NME6: variants seen among roughly 807,000 people sequenced by gnomAD.
NME6 encodes the protein NME/NM23 nucleoside diphosphate kinase 6.
In NME6, 16 loss-of-function variants were observed where a neutral mutation model predicts 22.2. That is an observed-to-expected ratio of 0.72 (90% CI 0.49 to 1.09). NME6 has a LOEUF of 1.09. Ranked by LOEUF, NME6 falls within the 50% of genes least tolerant of loss-of-function variation. NME6 has a pLI of 0.00. For synonymous variants in NME6, 58 were observed against 85.2 expected, an observed-to-expected ratio of 0.68 and a Z score of 1.76; for missense variants, 229 against 239.0, an observed-to-expected ratio of 0.96 and a Z score of 0.28.
downstream of NME6, among the ~76,000 whole-genome samples, chr3:48,288,245 A>G (rs971429901): frequency 1.3e-5 from 2 of 151,824 alleles, no homozygotes; most frequent in Admixed American, 6.6e-5. Flanking sequence ...GTCCAGCATA[A>G]TGGAGCATGC....
In NME6 at chr3:48,294,515, G is replaced by T; in HGVS notation, c.*122C>A. 1 of 912,160 alleles carries T rather than the reference G, an allele frequency of 1.1e-6. No individual in the cohort carries two copies. Among genetic ancestry groups the T allele is most frequent in the Non-Finnish European group, 1.7e-6 (1 of 595,052 alleles). The allele number at this position is 912,160 out of a possible 1,614,324, so 56.5% of individuals were successfully genotyped here. Reference sequence around the variant, plus strand: ...GTGCTGTGGTGAGCTAGGCCCTCAGGCAGGTGGTGGTGCCCAGCAGAAATG... The same window carrying T: ...GTGCTGTGGTGAGCTAGGCCCTCAGTCAGGTGGTGGTGCCCAGCAGAAATG... On this transcript the variant is annotated 3_prime_UTR_variant, in exon 6 of 6. Transcript: ENST00000442597.
In NME6 at chr3:48,294,099, T is replaced by TC. The variant is rs1292539067; in HGVS notation, c.*537_*538insG. ...TAGACAAGCTTCTTTTTTTTTTTTTTTGAGACAGAATGTCGCCCAGGCTGG... is the reference window on the plus strand; with the variant it reads ...TAGACAAGCTTCTTTTTTTTTTTTTTCTGAGACAGAATGTCGCCCAGGCTGG... On this transcript the variant is annotated 3_prime_UTR_variant, in exon 6 of 6. Coordinates refer to ENST00000442597, the MANE Select transcript of NME6 (RefSeq NM_001308426.2). 6.6e-6 allele frequency: 1 copy of TC among 151,970 alleles called. No individual in the cohort carries two copies. Among genetic ancestry groups the TC allele is most frequent in the Non-Finnish European group, 1.5e-5 (1 of 67,978 alleles). 9.4% of individuals were successfully genotyped at this position (151,970 alleles called of 1,614,324 possible). A position where few individuals can be genotyped will look rare whatever the true frequency, so the allele number is the denominator to read the frequency against.
chr3:48,296,683 C>T (rs4479622), intron 3 of NME6, 44 bp downstream of exon 3: 388,637 of 1,394,386 alleles, frequency 0.28, 58,306 homozygotes, highest in South Asian at 0.32. Context: ...CTTATGGCCT[C>T]TTGGGATTGA....
chr3:48,288,091 G>T (rs1231157298), downstream of NME6, among the ~76,000 whole-genome samples: 3 of 152,078 alleles, frequency 2.0e-5, no homozygotes, highest in Non-Finnish European at 4.4e-5. Context: ...TTCTTTTTTA[G>T]CTTAAAAGTA....
chr3:48,299,250 T>C (rs762150390), intron 1 of NME6: 34 of 372,288 alleles, frequency 9.1e-5, no homozygotes, highest in Non-Finnish European at 1.5e-4. Flanking sequence ...TATAGTCTTA[T>C]TTCTATTCAT....
chr3:48,288,057 A>C (rs1355925973), downstream of NME6, among the ~76,000 whole-genome samples: 1 of 152,144 alleles, frequency 6.6e-6, no homozygotes, highest in Non-Finnish European at 1.5e-5. Flanking sequence ...ATGACTTCAG[A>C]GTAAGATTTA....
chr3:48,298,059 G>T, intron 2 of NME6: 1 of 293,682 alleles, frequency 3.4e-6, no homozygotes, highest in Admixed American at 4.9e-5. Flanking sequence ...TTGGCCTTGT[G>T]AGACCTTAAG....
intron 2 of NME6, 47 bp downstream of exon 2, chr3:48,298,380 G>T: frequency 6.5e-7 from 1 of 1,531,558 alleles, no homozygotes; most frequent in Non-Finnish European, 9.0e-7. Flanking sequence ...ACCTGAAGCA[G>T]TAGCAATTCC....
At chr3:48,298,979 G>A (rs1182810051) in intron 1 of NME6, 1 of 702,802 alleles carries the variant, frequency 1.4e-6, no homozygotes, top group African/African-American at 1.7e-5. Context: ...ATCTAGAATT[G>A]GAAGATTGAT....
intron 2 of NME6, chr3:48,298,204 A>G: frequency 5.2e-6 from 3 of 579,600 alleles, no homozygotes; most frequent in Non-Finnish European, 9.2e-6. Flanking sequence ...CATTGTCTTG[A>G]TATTCGGTTC....
At chr3:48,296,028 T>A in intron 4 of NME6, 91 bp downstream of exon 4, 1 of 960,218 alleles carries the variant, frequency 1.0e-6, no homozygotes, top group South Asian at 1.3e-5. Context: ...GATTACAACT[T>A]TAAAGAATGG....
intron 1 of NME6, chr3:48,299,274 A>G (rs949378119): frequency 8.3e-5 from 26 of 312,192 alleles, no homozygotes; most frequent in Admixed American, 9.5e-5. Flanking sequence ...TGTATTCCTA[A>G]TGTCTAGCAT....
rs1265994448 is a variant in NME6 at position 48,296,099 on chromosome 3, T to C, written c.233+20A>G. On this transcript the variant is annotated intron_variant, in intron 4 of 5. Coordinates refer to ENST00000442597, the MANE Select transcript of NME6 (RefSeq NM_001308426.2). The stretch of plus-strand genomic sequence containing the variant: ...GATTAGCCTCAGTGGATAAAGATGC[T>C]GGAACCAAATTTGAAGTACCTGGCC... 1.9e-6 allele frequency: 3 copies of C among 1,545,678 alleles called. No individual in the cohort carries two copies. The highest frequency in any genetic ancestry group is 2.7e-6 in the Non-Finnish European group (3 of 1,117,690).
intron 2 of NME6, chr3:48,298,008 A>G (rs1053329146): frequency 4.2e-6 from 1 of 239,072 alleles, no homozygotes; most frequent in African/African-American, 2.4e-5. Context: ...TTCTTCCCCC[A>G]GACCCTCCAG....
chr3:48,301,140 G>T, intron 1 of NME6: 1 of 880,316 alleles, frequency 1.1e-6, no homozygotes, highest in Non-Finnish European at 1.7e-6. Context: ...GCCCAGCCCT[G>T]GTCCACCCAC....
intron 2 of NME6, among the ~76,000 whole-genome samples, chr3:48,297,240 C>T (rs904699949): frequency 6.6e-6 from 1 of 152,340 alleles, no homozygotes; most frequent in African/African-American, 2.4e-5. Context: ...TGAAGTACAA[C>T]CACTTTAGCC....
downstream of NME6, among the ~76,000 whole-genome samples, chr3:48,289,497 GA>G (rs2106872771): frequency 6.6e-6 from 1 of 152,292 alleles, no homozygotes; most frequent in South Asian, 2.1e-4. Flanking sequence ...GGCCAGGATG[GA>G]GCAGTGGATG....
At chr3:48,298,554 T>G (rs767373381) in intron 1 of NME6, 31 bp from the exon 2 acceptor site, 2 of 1,519,838 alleles carry the variant, frequency 1.3e-6, no homozygotes, top group South Asian at 2.6e-5. Context: ...TAGGAACCCT[T>G]CAGGACGGCA....
chr3:48,290,893 C>G (rs1011879536), downstream of NME6: 1 of 238,322 alleles, frequency 4.2e-6, no homozygotes, highest in African/African-American at 2.3e-5. Context: ...TAGGATTCTT[C>G]TTTTAAGGTC....
Sources: gnomAD v4.1 joint callset for allele counts (sites outside exome capture counted in the v4.1 genomes callset) on GRCh38, gnomAD v4.1.1 for gene constraint, MANE v1.5 for transcripts, NCBI Gene and HGNC (gene_info 2026-07-23, HGNC 2026-07-21) for gene names.